The following MYO5C variants were observed in gnomAD, a reference collection of about 807,000 sequenced individuals.
The protein encoded by MYO5C is myosin VC, also known as unconventional myosin-Vc.
In MYO5C, 194 loss-of-function variants were observed where a neutral mutation model predicts 235.7. The ratio of observed to expected loss-of-function variants is 0.82; its 90% CI spans 0.73 to 0.93. MYO5C has a LOEUF of 0.93. Among genes scored for constraint, MYO5C ranks in the 40% least tolerant of loss-of-function variants. The pLI, the probability that MYO5C is intolerant of heterozygous loss-of-function variation, is 0.00. For missense variants in MYO5C, 2,038 were observed against 2,127.2 expected (o/e 0.96, Z 0.82); for synonymous variants, 707 against 754.8 (o/e 0.94, Z 1.04).
intron 38 of MYO5C, among the ~76,000 whole-genome samples, chr15:52,203,152 G>A (rs2035226213): frequency 6.6e-6 from 1 of 151,792 alleles, no homozygotes; most frequent in Non-Finnish European, 1.5e-5. Context: ...TCAAACTCCT[G>A]ACCCCAAATG....
At chr15:52,269,158 T>C (rs1172699258) in intron 8 of MYO5C, among the ~76,000 whole-genome samples, 1 of 152,264 alleles carries the variant, frequency 6.6e-6, no homozygotes. Context: ...CCAGTCATTC[T>C]TGTACTCAGC....
rs767341287 is a variant in MYO5C at position 52,248,747 on chromosome 15, TGTTTTTC to T, written c.1692_1698del (p.Lys565GlufsTer12). ...ACCAGCATGTCATAGACGGTGTCTC[TGTTTTTC>T]TCCAGGAAACCTTCACATTTATACT... is the stretch of plus-strand genomic sequence containing the variant. On this transcript the variant is annotated frameshift_variant, in exon 14 of 41. Transcript: ENST00000261839. LOFTEE classifies it high-confidence loss of function. 1.2e-6 allele frequency: 2 copies of T among 1,614,182 alleles called. No homozygotes were observed. Among genetic ancestry groups the T allele is most frequent in the South Asian group, 2.2e-5 (2 of 91,084 alleles).
In MYO5C at chr15:52,211,701, C is replaced by T. The variant is rs184503016; in HGVS notation, c.4296+29G>A. 241 of 1,606,508 alleles carry T rather than the reference C, an allele frequency of 1.5e-4. 1 individual carries two copies. In the African/African-American group the frequency reaches 3.0e-3, roughly 20 times the overall value. ...CTGGTCATTCCCATAGATGTGATAC[C>T]AGGGGCCAATGTCAAAGGCATTTCC... is the stretch of plus-strand genomic sequence containing the variant. On this transcript the variant is annotated intron_variant, in intron 35 of 40. Transcript: ENST00000261839.
At chr15:52,242,674 A>G (rs1343563756) in intron 19 of MYO5C, 1 of 153,444 alleles carries the variant, frequency 6.5e-6, no homozygotes, top group Non-Finnish European at 1.5e-5. Flanking sequence ...TTACCTTTAG[A>G]GTTTACAACC....
At chr15:52,275,129 C>T (rs2037012825) in intron 5 of MYO5C, among the ~76,000 whole-genome samples, 1 of 152,210 alleles carries the variant, frequency 6.6e-6, no homozygotes, top group African/African-American at 2.4e-5. Context: ...TGGCCTCTGC[C>T]AAGGCAGAAG....
intron 1 of MYO5C, among the ~76,000 whole-genome samples, chr15:52,285,425 C>CCCT (rs1491286698): frequency 4.4e-4 from 9 of 20,392 alleles, no homozygotes; most frequent in Non-Finnish European, 1.9e-3. Context: ...TCCCTCCTCT[C>CCCT]CCTCTCCCTC....
chr15:52,278,833 T>C (rs555685309), intron 4 of MYO5C, 40 bp downstream of exon 4: 70 of 1,609,236 alleles, frequency 4.3e-5, no homozygotes, highest in South Asian at 4.0e-4. Context: ...GCAGGGAGCA[T>C]TGGCAGAGCA....
At chr15:52,211,700 C>T in intron 35 of MYO5C, 30 bp downstream of exon 35, 2 of 1,605,854 alleles carry the variant, frequency 1.2e-6, no homozygotes, top group Non-Finnish European at 1.7e-6. Context: ...AGATGTGATA[C>T]CAGGGGCCAA....
chr15:52,262,340 T>G lies in MYO5C; in HGVS notation c.1048-1213A>C, dbSNP rs2036715962. 2.6e-5 allele frequency among the ~76,000 whole-genome samples: 4 copies of G among 152,236 alleles called. No homozygotes were observed. In the South Asian group the frequency reaches 8.3e-4, roughly 31 times the overall value. On this transcript the variant is annotated intron_variant, in intron 9 of 40. Transcript: ENST00000261839. Reference sequence around the variant, plus strand: ...AGGATTTTCAGTCAATCAATTTTAATTCCTCCTCCAAAATGCTACCTTAAT... The same window carrying G: ...AGGATTTTCAGTCAATCAATTTTAAGTCCTCCTCCAAAATGCTACCTTAAT...
chr15:52,204,791 C>G, intron 38 of MYO5C, 74 bp downstream of exon 38: 1 of 1,524,086 alleles, frequency 6.6e-7, no homozygotes, highest in Non-Finnish European at 8.8e-7. Context: ...GAGGGTCAGG[C>G]GCGTGGGGCC....
intron 5 of MYO5C, among the ~76,000 whole-genome samples, chr15:52,275,090 G>A (rs1208225354): frequency 6.6e-6 from 1 of 152,220 alleles, no homozygotes; most frequent in Non-Finnish European, 1.5e-5. Flanking sequence ...CTGGCTCTTG[G>A]GGAGGGCAGG....
rs745592171 is a variant in MYO5C at position 52,282,873 on chromosome 15, G to C, written c.47C>G (p.Pro16Arg). The change falls in exon 2 of 41, where the codon CCC (proline) becomes CGC (arginine). Residue 16 changes from proline to arginine, a missense_variant. Pro to Arg is a moderately radical substitution (Grantham distance 103). Transcript: ENST00000261839. Reference protein sequence around the residue: ...LYTQYNRVWIPDPEEVWKSAE... With the variant: ...LYTQYNRVWIRDPEEVWKSAE... ...AGACTTCCAAACTTCTTCAGGATCG[G>C]GAATCCAGACCCTGTTGTACTGACC... 1.9e-6 allele frequency: 3 copies of C among 1,613,368 alleles called. 1 individual carries two copies. Among genetic ancestry groups the C allele is most frequent in the Non-Finnish European group, 2.5e-6 (3 of 1,179,320 alleles).
intron 1 of MYO5C, among the ~76,000 whole-genome samples, chr15:52,295,281 T>A (rs2037476074): frequency 6.6e-6 from 1 of 152,208 alleles, no homozygotes; most frequent in Non-Finnish European, 1.5e-5. Context: ...GCACTGGGGA[T>A]TCTAGGCCCC....
intron 1 of MYO5C, among the ~76,000 whole-genome samples, chr15:52,286,359 G>T (rs1480079410): frequency 6.7e-6 from 1 of 148,644 alleles, no homozygotes; most frequent in African/African-American, 2.5e-5. Flanking sequence ...CCGTCCGGGA[G>T]GTGAGGGGCG....
intron 38 of MYO5C, among the ~76,000 whole-genome samples, chr15:52,198,772 G>A (rs1489476096): frequency 2.6e-5 from 4 of 151,762 alleles, no homozygotes; most frequent in South Asian, 2.1e-4. Flanking sequence ...AGTAGAGATG[G>A]GGTTTCACCA....
At chr15:52,212,059 T>C (rs773671487) in intron 34 of MYO5C, among the ~76,000 whole-genome samples, 175 bp from the exon 35 acceptor site, 2 of 152,272 alleles carry the variant, frequency 1.3e-5, no homozygotes, top group Non-Finnish European at 2.9e-5. Flanking sequence ...TGGCACAAGA[T>C]ACACAGGTGT....
intron 38 of MYO5C, among the ~76,000 whole-genome samples, chr15:52,200,864 A>C (rs1216147143): frequency 2.0e-5 from 3 of 152,164 alleles, no homozygotes; most frequent in African/African-American, 7.2e-5. Flanking sequence ...AACCAAATGG[A>C]AATTTTAGAA....
At chr15:52,289,101 G>C (rs2037335822) in intron 1 of MYO5C, among the ~76,000 whole-genome samples, 1 of 152,114 alleles carries the variant, frequency 6.6e-6, no homozygotes, top group African/African-American at 2.4e-5. Context: ...AGGTCAGCCA[G>C]GCCAGATTGT....
intron 5 of MYO5C, 100 bp downstream of exon 5, chr15:52,275,462 C>G (rs933087529): frequency 5.4e-6 from 8 of 1,469,964 alleles, no homozygotes; most frequent in Non-Finnish European, 6.6e-6. Flanking sequence ...CTTCTTTAGT[C>G]TTTAAAGGGT....
Sources: allele counts gnomAD v4.1 joint callset (sites outside exome capture counted in the v4.1 genomes callset), GRCh38; gene constraint gnomAD v4.1.1; transcripts MANE v1.5; gene names NCBI Gene and HGNC (gene_info 2026-07-23, HGNC 2026-07-21).